DLGAP2: variants seen among roughly 807,000 people sequenced by gnomAD.
The protein encoded by DLGAP2 is DLG associated protein 2.
A neutral mutation model predicts 100.3 loss-of-function variants in DLGAP2; 26 were observed. The observed-to-expected ratio is 0.26, with a 90% CI of 0.19 to 0.36. DLGAP2 has a LOEUF of 0.36. DLGAP2 is among the 10% of genes least tolerant of loss of function. The pLI, the probability that DLGAP2 is intolerant of heterozygous loss-of-function variation, is 1.00. For missense variants in DLGAP2, 1,858 were observed against 1,453.2 expected, an observed-to-expected ratio of 1.28 and a Z score of -4.53; for synonymous variants, 886 against 630.1, an observed-to-expected ratio of 1.41 and a Z score of -6.08.
chr8:1,311,500 C>T (rs956824412), intron 3 of DLGAP2, among the ~76,000 whole-genome samples: 1 of 152,178 alleles, frequency 6.6e-6, no homozygotes, highest in African/African-American at 2.4e-5. Context: ...AACCATATCC[C>T]TTATCAATGT....
intron 2 of DLGAP2, among the ~76,000 whole-genome samples, chr8:1,112,739 A>G (rs1299001720): frequency 2.0e-5 from 3 of 152,122 alleles, no homozygotes; most frequent in East Asian, 1.9e-4. Flanking sequence ...CCATTTGTCA[A>G]TTTCCCCTTT....
chr8:1,235,678 A>T (rs1333417425), intron 2 of DLGAP2, among the ~76,000 whole-genome samples: 17 of 24,752 alleles, frequency 6.9e-4, no homozygotes, highest in South Asian at 3.2e-3. Flanking sequence ...TAGTTCTCTC[A>T]CATGGCGCCA....
At chr8:1,345,939 C>A (rs1039217085) in intron 3 of DLGAP2, among the ~76,000 whole-genome samples, 7 of 152,318 alleles carry the variant, frequency 4.6e-5, no homozygotes, top group African/African-American at 1.7e-4. Flanking sequence ...AGACACAAGG[C>A]AGCGCTTAAC....
At chr8:911,207 G>T (rs546310643) in intron 2 of DLGAP2, among the ~76,000 whole-genome samples, 1 of 152,286 alleles carries the variant, frequency 6.6e-6, no homozygotes, top group East Asian at 1.9e-4. Context: ...TGGCTCCATG[G>T]TGAAGAGATG....
chr8:1,255,036 C>CCGGCCGCTGTGTGTGTGCCCTCT lies in DLGAP2; in HGVS notation c.74-3814_74-3813insGGCCGCTGTGTGTGTGCCCTCTC, dbSNP rs1799154583. On this transcript the variant is annotated intron_variant, in intron 2 of 14. Coordinates refer to ENST00000637795, the MANE Select transcript of DLGAP2 (RefSeq NM_001346810.2). ...GCGCTGTGTGTGTGTCTTCTCCTGC[C>CCGGCCGCTGTGTGTGTGCCCTCT]CAGCCGCTGTGTGTGTGTCCTCTCA... 6.2e-5 allele frequency among the ~76,000 whole-genome samples: 4 copies of CCGGCCGCTGTGTGTGTGCCCTCT among 64,738 alleles called. 1 individual carries two copies. Among genetic ancestry groups the CCGGCCGCTGTGTGTGTGCCCTCT allele is most frequent in the Admixed American group, 2.1e-4 (1 of 4,704 alleles). 42.5% of individuals were successfully genotyped at this position (64,738 alleles called of 152,430 possible). A position where few individuals can be genotyped will look rare whatever the true frequency, so the allele number is the denominator to read the frequency against.
rs1198938457 is a variant in DLGAP2 at position 1,683,854 on chromosome 8, ATATG to A, written c.2704+5227_2704+5230del. The stretch of plus-strand genomic sequence containing the variant: ...CTCCACTATATATATATATATATAT[ATATG>A]TGTGTGTGTGTGTGTGTGTGTGTGT... On this transcript the variant is annotated intron_variant, in intron 12 of 14. Coordinates refer to ENST00000637795, the MANE Select transcript of DLGAP2 (RefSeq NM_001346810.2). Among the ~76,000 whole-genome samples the A allele has an allele frequency of 3.4e-3, 247 of 72,922 alleles. 3 individuals are homozygous for A. The highest frequency in any genetic ancestry group is 0.026 in the Middle Eastern group (4 of 152). The allele number at this position is 72,922 out of a possible 152,430, so 47.8% of individuals were successfully genotyped here. A position where few individuals can be genotyped will look rare whatever the true frequency, so the allele number is the denominator to read the frequency against.
rs1264029763 is a variant in DLGAP2 at position 1,082,070 on chromosome 8, C to T, written c.73+174104C>T. ...CAGGAAGAAATGCACCTGGCAGTGG[C>T]GAGTCGTGTGATGTCTGCCCTACAT... is the stretch of plus-strand genomic sequence containing the variant. On this transcript the variant is annotated intron_variant, in intron 2 of 14. Transcript: ENST00000637795. Among the ~76,000 whole-genome samples, 3 of 152,122 alleles carry T rather than the reference C, an allele frequency of 2.0e-5. No individual in the cohort carries two copies. In the East Asian group the frequency reaches 5.8e-4, roughly 29 times the overall value.
At chr8:930,615 G>A (rs535272854) in intron 2 of DLGAP2, among the ~76,000 whole-genome samples, 7 of 152,338 alleles carry the variant, frequency 4.6e-5, no homozygotes, top group South Asian at 2.1e-4. Context: ...GGGCAGGTGC[G>A]TCCTGGGCTT....
At chr8:948,118 G>A (rs1167358836) in intron 2 of DLGAP2, among the ~76,000 whole-genome samples, 1 of 152,068 alleles carries the variant, frequency 6.6e-6, no homozygotes, top group Non-Finnish European at 1.5e-5. Flanking sequence ...CACTGACCCT[G>A]TGCCAGCCAG....
chr8:1,389,495 G>A (rs1013643532), intron 3 of DLGAP2, among the ~76,000 whole-genome samples: 1 of 152,138 alleles, frequency 6.6e-6, no homozygotes, highest in Non-Finnish European at 1.5e-5. Context: ...ACCCCGCTAA[G>A]GGCACTCAGA....
rs549016586 is a variant in DLGAP2 at position 1,535,527 on chromosome 8, G to A, written c.173-13099G>A. 5.9e-5 allele frequency among the ~76,000 whole-genome samples: 9 copies of A among 152,282 alleles called. No individual in the cohort carries two copies. In the South Asian group the frequency reaches 1.0e-3, roughly 18 times the overall value. ...ATGCCTAGCACAGACGTGTTCAAGC[G>A]GTCAGATGGGCATGCCTGGCACACA... On this transcript the variant is annotated intron_variant, in intron 4 of 14. Transcript: ENST00000637795.
At chr8:1,203,766 G>C (rs1452676262) in intron 2 of DLGAP2, among the ~76,000 whole-genome samples, 4 of 152,202 alleles carry the variant, frequency 2.6e-5, no homozygotes, top group African/African-American at 4.8e-5. Flanking sequence ...AAATATCACT[G>C]TTATTCTAAT....
chr8:1,070,694 A>G (rs1233898201), intron 2 of DLGAP2, among the ~76,000 whole-genome samples: 1 of 152,204 alleles, frequency 6.6e-6, no homozygotes, highest in Admixed American at 6.5e-5. Flanking sequence ...CCCTCCTTAC[A>G]GAAAAGACCA....
chr8:1,543,001 G>C (rs1180712842), intron 4 of DLGAP2, among the ~76,000 whole-genome samples: 2 of 152,128 alleles, frequency 1.3e-5, no homozygotes, highest in East Asian at 1.9e-4. Flanking sequence ...TTCGCCGTTA[G>C]GACATCTTCT....
intron 2 of DLGAP2, among the ~76,000 whole-genome samples, chr8:1,256,414 C>A (rs1430781448): frequency 7.2e-6 from 1 of 139,470 alleles, no homozygotes; most frequent in East Asian, 2.2e-4. Context: ...GCCGTCTTAT[C>A]CTGCTTGGGC....
chr8:988,731 C>G (rs533811948), intron 2 of DLGAP2, among the ~76,000 whole-genome samples: 1 of 152,266 alleles, frequency 6.6e-6, no homozygotes, highest in South Asian at 2.1e-4. Context: ...CCTCTGGTTC[C>G]TGGCCTCCAT....
intron 2 of DLGAP2, among the ~76,000 whole-genome samples, chr8:1,110,978 C>T (rs931637989): frequency 6.6e-6 from 1 of 152,014 alleles, no homozygotes; most frequent in African/African-American, 2.4e-5. Flanking sequence ...GATGCATCTG[C>T]CAGCCGAAGG....
intron 1 of DLGAP2, among the ~76,000 whole-genome samples, chr8:790,090 G>C (rs1461435040): frequency 6.6e-6 from 1 of 152,214 alleles, no homozygotes; most frequent in African/African-American, 2.4e-5. Context: ...CAGAGCCAGA[G>C]CCAGTGGAGA....
intron 12 of DLGAP2, chr8:1,688,151 A>T (rs1261622625): frequency 1.3e-5 from 2 of 151,050 alleles, no homozygotes; most frequent in Non-Finnish European, 2.9e-5. Context: ...CCTCACCCCC[A>T]GACTCACCCC....
Sources: allele counts gnomAD v4.1 joint callset (sites outside exome capture counted in the v4.1 genomes callset), GRCh38; gene constraint gnomAD v4.1.1; transcripts MANE v1.5; gene names NCBI Gene and HGNC (gene_info 2026-07-23, HGNC 2026-07-21).